Variants in FNIP1 observed in about 807,000 individuals in gnomAD.
FNIP1 encodes folliculin interacting protein 1.
Under a neutral mutation model 124.5 loss-of-function variants are expected in FNIP1, and 40 were observed. The ratio of observed to expected loss-of-function variants is 0.32; its 90% CI spans 0.25 to 0.42. The LOEUF (loss-of-function observed/expected upper bound fraction) is 0.42. FNIP1 is among the 10% of genes least tolerant of loss of function. The pLI is 1.00. For missense variants in FNIP1, 1,176 were observed against 1,403.7 expected (o/e 0.84, Z 2.59); for synonymous variants, 472 against 470.6 (o/e 1.00, Z -0.04).
chr5:131,740,386 AGT>A (rs1200186339), intron 2 of FNIP1, among the ~76,000 whole-genome samples: 7 of 152,214 alleles, frequency 4.6e-5, no homozygotes, highest in Non-Finnish European at 8.8e-5. Flanking sequence ...GATGCTTCGG[AGT>A]GTTTCTCATG....
chr5:131,690,372 G>A (rs749265846), intron 11 of FNIP1, among the ~76,000 whole-genome samples: 2 of 152,102 alleles, frequency 1.3e-5, no homozygotes, highest in Non-Finnish European at 2.9e-5. Context: ...TGAATTGTAA[G>A]CCCATAATCC....
intron 2 of FNIP1, among the ~76,000 whole-genome samples, chr5:131,738,646 C>T (rs1055280633): frequency 1.3e-5 from 2 of 152,010 alleles, no homozygotes; most frequent in Non-Finnish European, 2.9e-5. Context: ...ACTACAGGCA[C>T]GTGCCACCAC....
At chr5:131,755,565 AAAG>A (rs1458873187) in intron 1 of FNIP1, among the ~76,000 whole-genome samples, 1 of 152,178 alleles carries the variant, frequency 6.6e-6, no homozygotes, top group African/African-American at 2.4e-5. Flanking sequence ...TGAAAATAGA[AAAG>A]AATGTGAAGA....
intron 1 of FNIP1, among the ~76,000 whole-genome samples, chr5:131,756,058 A>G (rs1771042184): frequency 6.6e-6 from 1 of 152,132 alleles, no homozygotes; most frequent in African/African-American, 2.4e-5. Context: ...AATCACGCAC[A>G]ATGCAAATGT....
rs532773210 is a variant in FNIP1 at position 131,708,940 on chromosome 5, T to C, written c.778+261A>G. On this transcript the variant is annotated intron_variant, in intron 8 of 17. Coordinates refer to ENST00000510461, the MANE Select transcript of FNIP1 (RefSeq NM_133372.3). Reference sequence around the variant, plus strand: ...GTTTCTAAGCAGTTTTTCTGACCAATGCTTTTCTTCTTATATTCACTAAGC... The same window carrying C: ...GTTTCTAAGCAGTTTTTCTGACCAACGCTTTTCTTCTTATATTCACTAAGC... 2.6e-5 allele frequency among the ~76,000 whole-genome samples: 4 copies of C among 152,250 alleles called. No homozygotes were observed. In the East Asian group the frequency reaches 7.7e-4, roughly 29 times the overall value.
intron 11 of FNIP1, among the ~76,000 whole-genome samples, chr5:131,689,370 T>C (rs1425827221): frequency 6.6e-6 from 1 of 151,984 alleles, no homozygotes; most frequent in Non-Finnish European, 1.5e-5. Context: ...ATAAAAAGAG[T>C]ATCCAAAAAG....
chr5:131,709,718 T>G (rs1226497202), intron 7 of FNIP1, among the ~76,000 whole-genome samples: 1 of 152,166 alleles, frequency 6.6e-6, no homozygotes, highest in Non-Finnish European at 1.5e-5. Flanking sequence ...AATAGTATGA[T>G]CCCCATTTTC....
intron 15 of FNIP1, among the ~76,000 whole-genome samples, chr5:131,663,747 G>A (rs943973325): frequency 2.0e-5 from 3 of 152,186 alleles, no homozygotes; most frequent in Admixed American, 6.5e-5. Flanking sequence ...AAAAGTCATG[G>A]GTTCTGCAAT....
chr5:131,783,534 C>A (rs1772066995), intron 1 of FNIP1, among the ~76,000 whole-genome samples: 1 of 151,282 alleles, frequency 6.6e-6, no homozygotes, highest in African/African-American at 2.4e-5. Context: ...AGAAGTGATG[C>A]AATCTAAGAA....
chr5:131,756,563 C>A (rs1165879778), intron 1 of FNIP1, among the ~76,000 whole-genome samples: 2 of 151,980 alleles, frequency 1.3e-5, no homozygotes, highest in Non-Finnish European at 2.9e-5. Flanking sequence ...ATTAAGATCA[C>A]AGAGAAGTTA....
chr5:131,739,823 A>AC (rs1388246189), intron 2 of FNIP1, among the ~76,000 whole-genome samples: 1 of 151,106 alleles, frequency 6.6e-6, no homozygotes, highest in Non-Finnish European at 1.5e-5. Flanking sequence ...AAAAAAAAAA[A>AC]AAAAAAAAAA....
chr5:131,758,996 G>A (rs1177705227), intron 1 of FNIP1, among the ~76,000 whole-genome samples: 1 of 151,792 alleles, frequency 6.6e-6, no homozygotes, highest in Non-Finnish European at 1.5e-5. Flanking sequence ...AGGGGGAATG[G>A]TGCTTAACAA....
intron 1 of FNIP1, among the ~76,000 whole-genome samples, chr5:131,770,846 C>T (rs1037859183): frequency 5.9e-5 from 9 of 152,162 alleles, no homozygotes; most frequent in Admixed American, 5.9e-4. Context: ...TGTATACCAT[C>T]AGTGTAGAGG....
Position 131,745,355 on chromosome 5 carries a change from C to T in FNIP1, c.93-665G>A, listed in dbSNP as rs186442893. 1.8e-3 allele frequency among the ~76,000 whole-genome samples: 269 copies of T among 151,922 alleles called. 1 individual carries two copies. Among genetic ancestry groups the T allele is most frequent in the Non-Finnish European group, 3.1e-4 (21 of 67,922 alleles). ...ACAACATAGTGAGACCCTGTCTCTA[C>T]AAAAAGTTAACAAAATTCGCCAGGC... On this transcript the variant is annotated intron_variant, in intron 1 of 17. Transcript: ENST00000510461.
intron 2 of FNIP1, among the ~76,000 whole-genome samples, chr5:131,741,129 T>C (rs1248995032): frequency 6.6e-6 from 1 of 152,172 alleles, no homozygotes; most frequent in African/African-American, 2.4e-5. Context: ...TAAACTTGCT[T>C]TCACTTTACG....
intron 2 of FNIP1, among the ~76,000 whole-genome samples, chr5:131,735,355 T>C (rs1023084127): frequency 2.0e-5 from 3 of 151,986 alleles, no homozygotes; most frequent in Non-Finnish European, 4.4e-5. Flanking sequence ...ATATACCTCA[T>C]GTAAATGACG....
chr5:131,727,462 G>T, intron 3 of FNIP1, among the ~76,000 whole-genome samples: 1 of 151,958 alleles, frequency 6.6e-6, no homozygotes, highest in East Asian at 1.9e-4. Flanking sequence ...TATCTTTGCT[G>T]GTTTAAAGTC....
At chr5:131,691,459 T>C (rs973997605) in intron 11 of FNIP1, among the ~76,000 whole-genome samples, 4 of 152,124 alleles carry the variant, frequency 2.6e-5, no homozygotes, top group African/African-American at 9.7e-5. Flanking sequence ...AACTAAAGCA[T>C]TCAAGAGATA....
chr5:131,739,343 T>C (rs1050994105), intron 2 of FNIP1, among the ~76,000 whole-genome samples: 1 of 152,144 alleles, frequency 6.6e-6, no homozygotes, highest in African/African-American at 2.4e-5. Flanking sequence ...TTTAAAATAA[T>C]AATAATAGTA....
Sources: gnomAD v4.1 joint callset for allele counts (sites outside exome capture counted in the v4.1 genomes callset) on GRCh38, gnomAD v4.1.1 for gene constraint, MANE v1.5 for transcripts, NCBI Gene and HGNC (gene_info 2026-07-23, HGNC 2026-07-21) for gene names.